KCNIP4: variants seen among roughly 807,000 people sequenced by gnomAD.
The protein encoded by KCNIP4 is Kv channel-interacting protein 4.
A neutral mutation model predicts 34.0 loss-of-function variants in KCNIP4; 12 were observed. That is an observed-to-expected ratio of 0.35 (90% CI 0.23 to 0.57). KCNIP4 has a LOEUF of 0.57. Among genes scored for constraint, KCNIP4 ranks in the 20% least tolerant of loss-of-function variants. The pLI, the probability that KCNIP4 is intolerant of heterozygous loss-of-function variation, is 0.83. For synonymous variants in KCNIP4, 124 were observed against 102.2 expected, an observed-to-expected ratio of 1.21 and a Z score of -1.29; for missense variants, 238 against 311.7, an observed-to-expected ratio of 0.76 and a Z score of 1.78.
At chr4:21,507,476 C>T (rs1213875421) in intron 1 of KCNIP4, among the ~76,000 whole-genome samples, 3 of 151,966 alleles carry the variant, frequency 2.0e-5, no homozygotes, top group African/African-American at 4.8e-5. Flanking sequence ...AGGCTGGTCT[C>T]GAACTCCTGA....
chr4:21,531,734 C>A (rs1323735610), intron 1 of KCNIP4, among the ~76,000 whole-genome samples: 1 of 151,806 alleles, frequency 6.6e-6, no homozygotes, highest in Non-Finnish European at 1.5e-5. Flanking sequence ...GGGCAAGAAT[C>A]TTGAATCTGA....
chr4:20,851,138 A>G (rs187328523), intron 2 of KCNIP4, among the ~76,000 whole-genome samples: 2 of 152,234 alleles, frequency 1.3e-5, no homozygotes, highest in Admixed American at 6.5e-5. Context: ...AGATCATCCC[A>G]TCGCCCAGGT....
chr4:21,721,853 C>T (rs1373244784), intron 1 of KCNIP4, among the ~76,000 whole-genome samples: 2 of 148,926 alleles, frequency 1.3e-5, no homozygotes, highest in Admixed American at 1.3e-4. Context: ...ATAAAATCAT[C>T]CTCATGGCTA....
chr4:21,166,115 C>T (rs1187028030), intron 1 of KCNIP4, among the ~76,000 whole-genome samples: 1 of 152,110 alleles, frequency 6.6e-6, no homozygotes, highest in Non-Finnish European at 1.5e-5. Flanking sequence ...TTATAAATTA[C>T]CCAGTCTAAG....
chr4:20,764,855 A>AAAATT (rs1755257849), intron 3 of KCNIP4, among the ~76,000 whole-genome samples: 1 of 151,922 alleles, frequency 6.6e-6, no homozygotes, highest in African/African-American at 2.4e-5. Context: ...GGTCGCTGTG[A>AAAATT]TGGCACTCAG....
chr4:21,023,043 G>A (rs538218850), intron 1 of KCNIP4, among the ~76,000 whole-genome samples: 4 of 152,132 alleles, frequency 2.6e-5, no homozygotes, highest in African/African-American at 7.2e-5. Context: ...GGCTGGTCTC[G>A]AAGTCTTGAC....
chr4:20,804,554 T>A (rs1714815303), intron 3 of KCNIP4, among the ~76,000 whole-genome samples: 1 of 134,582 alleles, frequency 7.4e-6, no homozygotes, highest in African/African-American at 2.7e-5. Context: ...TCTTTGTTTC[T>A]TTTTCTCCTC....
intron 1 of KCNIP4, among the ~76,000 whole-genome samples, chr4:21,195,777 T>C (rs912565799): frequency 3.3e-5 from 5 of 152,218 alleles, no homozygotes; most frequent in African/African-American, 4.8e-5. Flanking sequence ...GAACGCCTGG[T>C]TGCAATGGCT....
At chr4:21,426,294 G>A (rs1398305157) in intron 1 of KCNIP4, among the ~76,000 whole-genome samples, 1 of 152,082 alleles carries the variant, frequency 6.6e-6, no homozygotes, top group Non-Finnish European at 1.5e-5. Flanking sequence ...GAGTCTTTCG[G>A]GTGTGATGAA....
chr4:21,222,258 A>C (rs1758032748), intron 1 of KCNIP4, among the ~76,000 whole-genome samples: 1 of 151,942 alleles, frequency 6.6e-6, no homozygotes, highest in Admixed American at 6.6e-5. Flanking sequence ...ACTTTCTGCC[A>C]TGAGAGCAGG....
intron 1 of KCNIP4, among the ~76,000 whole-genome samples, chr4:21,780,635 A>G (rs1032814289): frequency 6.6e-6 from 1 of 152,190 alleles, no homozygotes; most frequent in Non-Finnish European, 1.5e-5. Context: ...CTCAGTTTAC[A>G]GCAGTGGCAA....
chr4:21,637,504 C>T (rs1016270040), intron 1 of KCNIP4, among the ~76,000 whole-genome samples: 8 of 152,002 alleles, frequency 5.3e-5, no homozygotes, highest in African/African-American at 1.7e-4. Flanking sequence ...ACAGGCCAGG[C>T]GCGGTGGCTT....
chr4:21,124,086 C>T (rs1192402119), intron 1 of KCNIP4, among the ~76,000 whole-genome samples: 3 of 150,874 alleles, frequency 2.0e-5, no homozygotes, highest in Admixed American at 6.6e-5. Flanking sequence ...CTTTAAAAAT[C>T]ATGAGAAGGA....
intron 1 of KCNIP4, among the ~76,000 whole-genome samples, chr4:21,446,603 C>G (rs1728015407): frequency 8.1e-6 from 1 of 122,828 alleles, no homozygotes; most frequent in Admixed American, 1.2e-4. Context: ...GGAAGGGGAA[C>G]ATCACACACT....
intron 1 of KCNIP4, among the ~76,000 whole-genome samples, chr4:21,338,492 C>T (rs1174873823): frequency 4.1e-5 from 6 of 144,604 alleles, no homozygotes; most frequent in Admixed American, 1.4e-4. Flanking sequence ...TTGTAGTCCC[C>T]GCTACTCAGG....
chr4:21,294,379 G>A (rs1022902664), intron 1 of KCNIP4, among the ~76,000 whole-genome samples: 1 of 152,120 alleles, frequency 6.6e-6, no homozygotes, highest in Non-Finnish European at 1.5e-5. Flanking sequence ...CACTACAACT[G>A]TGTCATCGCA....
intron 1 of KCNIP4, among the ~76,000 whole-genome samples, chr4:21,070,913 G>T (rs1744852450): frequency 6.6e-6 from 1 of 151,796 alleles, no homozygotes; most frequent in Non-Finnish European, 1.5e-5. Flanking sequence ...CTGACCTCGT[G>T]ATCTGCCCAC....
chr4:21,471,817 C>A (rs1301067825), intron 1 of KCNIP4, among the ~76,000 whole-genome samples: 2 of 152,130 alleles, frequency 1.3e-5, no homozygotes, highest in African/African-American at 2.4e-5. Flanking sequence ...ATGAGAGGAC[C>A]TATGGTATCC....
chr4:21,684,468 A>T (rs183286925), intron 1 of KCNIP4, among the ~76,000 whole-genome samples: 2 of 152,308 alleles, frequency 1.3e-5, no homozygotes, highest in East Asian at 3.9e-4. Context: ...TAAAACTAGG[A>T]CTTTAACATC....
Sources: allele counts gnomAD v4.1 joint callset (sites outside exome capture counted in the v4.1 genomes callset), GRCh38; gene constraint gnomAD v4.1.1; transcripts MANE v1.5; gene names NCBI Gene and HGNC (gene_info 2026-07-23, HGNC 2026-07-21).